The following FANCB variants were observed in gnomAD, a reference collection of about 807,000 sequenced individuals.
FANCB encodes Fanconi anemia group B protein.
In FANCB, 5 loss-of-function variants were observed where a neutral mutation model predicts 38.9. The observed-to-expected ratio is 0.13, with a 90% CI of 0.07 to 0.27. FANCB has a LOEUF of 0.27. Ranked by LOEUF, FANCB falls within the 10% of genes least tolerant of loss-of-function variation. The pLI, the probability that FANCB is intolerant of heterozygous loss-of-function variation, is 1.00. For synonymous variants in FANCB, 236 were observed against 215.4 expected (o/e 1.10, Z -0.84); for missense variants, 573 against 602.7 (o/e 0.95, Z 0.52).
At chrX:14,840,593 AATC>A (rs2092352475), downstream of FANCB, among the ~76,000 whole-genome samples, 1 of 112,314 alleles carries the variant, frequency 8.9e-6, no homozygotes, top group African/African-American at 3.2e-5. Flanking sequence ...TGGAAAAGGT[AATC>A]AATAGACTGC....
At chrX:14,777,319 T>C in the FANCB span, among the ~76,000 whole-genome samples, 1 of 112,221 alleles carries the variant, frequency 8.9e-6, no homozygotes, top group African/African-American at 3.2e-5. Flanking sequence ...TATCACTCAG[T>C]TGGCAGTTAC....
the FANCB span, chrX:14,690,991 C>A: frequency 1.6e-6 from 1 of 633,038 alleles, no homozygotes; most frequent in Non-Finnish European, 2.4e-6. Context: ...TCCTACTACA[C>A]TGACTTAGTG....
At chrX:14,846,964 A>G (rs2092379531) in intron 7 of FANCB, among the ~76,000 whole-genome samples, 1 of 110,712 alleles carries the variant, frequency 9.0e-6, no homozygotes. Context: ...GGGAAATTTG[A>G]CCATTTACTG....
chrX:14,843,594 A>G lies in FANCB; in HGVS notation c.2553T>C (p.Phe851=), dbSNP rs759020755. Residue 851 remains phenylalanine (F), a synonymous_variant, in exon 10 of 10, where the codon TTT becomes TTC. Transcript: ENST00000650831. ...ATAAATTACTCAGTTTCTGTGCAGCAAAGTCTGATTTCAACTGAACCTCAG... is the reference window on the plus strand; with the variant it reads ...ATAAATTACTCAGTTTCTGTGCAGCGAAGTCTGATTTCAACTGAACCTCAG... ...KVAEVQLKSD[F]AAQKLSNL is the part of the protein sequence containing the mutation. 4.2e-6 allele frequency: 5 copies of G among 1,195,145 alleles called. No individual in the cohort carries two copies. In the Admixed American group the frequency reaches 8.9e-5, roughly 21 times the overall value.
chrX:14,780,817 T>C, the FANCB span, among the ~76,000 whole-genome samples: 1 of 103,223 alleles, frequency 9.7e-6, no homozygotes, highest in Non-Finnish European at 1.9e-5. Flanking sequence ...TTTTTTGTTT[T>C]TTTTTTCCAA....
the FANCB span, among the ~76,000 whole-genome samples, chrX:14,760,738 G>A: frequency 3.6e-5 from 4 of 111,690 alleles, no homozygotes; most frequent in African/African-American, 1.3e-4. Context: ...GGAGGCCGAG[G>A]TGGGCAGATC....
intron 3 of FANCB, among the ~76,000 whole-genome samples, chrX:14,862,891 G>C (rs1205921476): frequency 9.0e-6 from 1 of 111,586 alleles, no homozygotes; most frequent in Non-Finnish European, 1.9e-5. Flanking sequence ...ATATTACCTT[G>C]ACTACAGTAA....
the FANCB span, among the ~76,000 whole-genome samples, chrX:14,732,730 A>AT: frequency 3.3e-3 from 363 of 110,443 alleles, 1 homozygote; most frequent in African/African-American, 0.011. Context: ...GATGGGGTTG[A>AT]TTTTTTCCTG....
At chrX:14,730,149 T>C in the FANCB span, 1 of 878,035 alleles carries the variant, frequency 1.1e-6, no homozygotes, top group Non-Finnish European at 1.7e-6. Flanking sequence ...ATTTTAAGCA[T>C]CTTCCATCTA....
the FANCB span, among the ~76,000 whole-genome samples, chrX:14,766,400 A>C: frequency 9.8e-5 from 11 of 112,157 alleles, no homozygotes; most frequent in East Asian, 2.0e-3. Context: ...GCTATTAAAT[A>C]AGTTAGTAAG....
At chrX:14,852,904 C>A in intron 6 of FANCB, 135 bp downstream of exon 6, 1 of 504,865 alleles carries the variant, frequency 2.0e-6, no homozygotes, top group Non-Finnish European at 3.2e-6. Context: ...ACCATTATAA[C>A]CTCTGCTACT....
At chrX:14,708,353 CCTT>C in the FANCB span, among the ~76,000 whole-genome samples, 1 of 111,740 alleles carries the variant, frequency 8.9e-6, no homozygotes, top group South Asian at 3.8e-4. Context: ...CAGGCTTAAA[CCTT>C]CTCACATACC....
chrX:14,711,438 G>A, the FANCB span, among the ~76,000 whole-genome samples: 1 of 112,191 alleles, frequency 8.9e-6, no homozygotes, highest in African/African-American at 3.2e-5. Flanking sequence ...GTTTCACATA[G>A]AGCTGAGGCG....
At chrX:14,805,047 G>A in the FANCB span, among the ~76,000 whole-genome samples, 1 of 111,763 alleles carries the variant, frequency 8.9e-6, no homozygotes, top group African/African-American at 3.3e-5. Flanking sequence ...TGATTTTTCA[G>A]TGGCTTTTGG....
chrX:14,691,670 TC>T, the FANCB span, among the ~76,000 whole-genome samples: 1 of 111,594 alleles, frequency 9.0e-6, no homozygotes, highest in East Asian at 2.8e-4. Flanking sequence ...TTTCTGCAGC[TC>T]CCCAGGCAAT....
chrX:14,708,942 A>G, the FANCB span, among the ~76,000 whole-genome samples: 2 of 110,393 alleles, frequency 1.8e-5, no homozygotes, highest in Non-Finnish European at 3.8e-5. Context: ...GTCTCCACAC[A>G]AAAAGAAAAA....
the FANCB span, among the ~76,000 whole-genome samples, chrX:14,697,473 T>C: frequency 3.6e-5 from 4 of 110,057 alleles, no homozygotes; most frequent in African/African-American, 1.4e-4. Context: ...ATCGAAAAAA[T>C]AATAATAATC....
At chrX:14,838,537 T>C (rs749713393), downstream of FANCB, among the ~76,000 whole-genome samples, 14 of 112,028 alleles carry the variant, frequency 1.2e-4, no homozygotes, top group East Asian at 3.9e-3. Context: ...TTACTACTTT[T>C]ACCAGAATCT....
At chrX:14,689,597 C>T in the FANCB span, among the ~76,000 whole-genome samples, 1 of 111,739 alleles carries the variant, frequency 8.9e-6, no homozygotes, top group East Asian at 2.8e-4. Context: ...CTCTTTACCC[C>T]AGTTTTCTCA....
Sources: gnomAD v4.1 joint callset for allele counts (sites outside exome capture counted in the v4.1 genomes callset) on GRCh38, gnomAD v4.1.1 for gene constraint, MANE v1.5 for transcripts, NCBI Gene and HGNC (gene_info 2026-07-23, HGNC 2026-07-21) for gene names.